The following PRL variants were observed in gnomAD, a reference collection of about 807,000 sequenced individuals.
The protein encoded by PRL is prolactin, also known as decidual prolactin.
Under a neutral mutation model 21.3 loss-of-function variants are expected in PRL, and 24 were observed. The observed-to-expected ratio is 1.13, with a 90% confidence interval of 0.82 to 1.59. The LOEUF is 1.59. Ranked by LOEUF, PRL falls within the 40% of genes most tolerant of loss-of-function variation. PRL has a pLI of 0.00. For missense variants in PRL, 243 were observed against 286.9 expected, an observed-to-expected ratio of 0.85 and a Z score of 1.10; for synonymous variants, 118 against 115.7, an observed-to-expected ratio of 1.02 and a Z score of -0.13.
rs1760985875 is a variant in PRL, at chr6:22,288,905, C to CGT, written c.492+1268_492+1269insAC. 1.4e-5 allele frequency among the ~76,000 whole-genome samples: 2 copies of CGT among 145,982 alleles called. No individual in the cohort carries two copies. The highest frequency in any genetic ancestry group is 6.8e-5 in the Admixed American group (1 of 14,768). ...GTGCGCGTGTGTGTGCGTGTGTGCG[C>CGT]GCGCGTGTGTGTGCGTGCGCGTGTG... On this transcript the variant is annotated intron_variant, in intron 4 of 4. Transcript: ENST00000306482. The surrounding 1 kb of genome is among the most constrained non-coding windows in gnomAD (Gnocchi z 4.5).
upstream of PRL, chr6:22,297,097 A>G (rs889914064): frequency 3.7e-6 from 4 of 1,075,070 alleles, no homozygotes; most frequent in Non-Finnish European, 5.5e-6. Context: ...AATATAATGA[A>G]TCAGGCATTC....
chr6:22,293,687 AAAGG>A (rs1465486197), intron 2 of PRL, among the ~76,000 whole-genome samples: 59 of 95,916 alleles, frequency 6.2e-4, no homozygotes, highest in East Asian at 2.1e-3. Flanking sequence ...AGGAAGGAAA[AAAGG>A]AAGGAAGGAA....
upstream of PRL, among the ~76,000 whole-genome samples, chr6:22,302,059 A>T (rs987289825): frequency 1.3e-5 from 2 of 152,222 alleles, no homozygotes; most frequent in Non-Finnish European, 2.9e-5. Flanking sequence ...ATTAAAAAGA[A>T]ACTAAAAAAT....
chr6:22,297,987 C>G (rs1156962505), upstream of PRL, among the ~76,000 whole-genome samples: 1 of 152,142 alleles, frequency 6.6e-6, no homozygotes, highest in Admixed American at 6.5e-5. Flanking sequence ...GGACCCACTT[C>G]TAAGACAAAC....
chr6:22,295,378 T>C (rs1761152712), intron 1 of PRL, among the ~76,000 whole-genome samples: 1 of 152,174 alleles, frequency 6.6e-6, no homozygotes, highest in Non-Finnish European at 1.5e-5. Context: ...GCACGTCGTC[T>C]TGTCACATCG....
intron 1 of PRL, 85 bp downstream of exon 1, chr6:22,296,870 G>T: frequency 7.0e-7 from 1 of 1,435,520 alleles, no homozygotes; most frequent in South Asian, 1.2e-5. Context: ...AAACCTGCAA[G>T]CTCTTGTTAT....
Position 22,288,908 on chromosome 6 carries a change from G to GCA in PRL, c.492+1265_492+1266insTG, listed in dbSNP as rs1561753127. ...CGCGTGTGTGTGCGTGTGTGCGCGC[G>GCA]CGTGTGTGTGCGTGCGCGTGTGTGT... On this transcript the variant is annotated intron_variant, in intron 4 of 4. Transcript: ENST00000306482. This position sits in a 1 kb window ranked among gnomAD's most constrained non-coding sequence, Gnocchi z 4.5. 9.4e-5 allele frequency among the ~76,000 whole-genome samples: 14 copies of GCA among 148,624 alleles called. No individual in the cohort carries two copies. The East Asian group carries it at 1.8e-3, about 19-fold the overall frequency.
At chr6:22,289,464 A>G (rs574029574) in intron 4 of PRL, among the ~76,000 whole-genome samples, 5 of 152,346 alleles carry the variant, frequency 3.3e-5, no homozygotes, top group African/African-American at 1.2e-4. Flanking sequence ...TCTAAATATG[A>G]CAGATTATTT....
At chr6:22,296,816 ATTGCT>A (rs1371557286) in intron 1 of PRL, 134 bp downstream of exon 1, 1 of 863,072 alleles carries the variant, frequency 1.2e-6, no homozygotes, top group African/African-American at 1.7e-5. Context: ...CCCTTGTAAA[ATTGCT>A]TTCTAGAGGA....
rs1427532082 is a variant in PRL, at chr6:22,287,459, T to G, written c.627A>C (p.Lys209Asn). The G allele has an allele frequency of 1.2e-6, 2 of 1,613,954 alleles. No homozygotes were observed. Among genetic ancestry groups the G allele is most frequent in the East Asian group, 2.2e-5 (1 of 44,866 alleles). ...TCAGGAGCTTGAGATAATTGTCGATTTTATGTGAATCCCTGCGTAGGCAGT... is the reference window on the plus strand; with the variant it reads ...TCAGGAGCTTGAGATAATTGTCGATGTTATGTGAATCCCTGCGTAGGCAGT... ...LLHCLRRDSH[K>N]IDNYLKLLKC... The change falls in exon 5 of 5, where the codon AAA (lysine) becomes AAC (asparagine). Residue 209 changes from lysine (K) to asparagine (N), a missense_variant. Transcript: ENST00000306482.
chr6:22,300,914 G>A (rs1236886137), upstream of PRL, among the ~76,000 whole-genome samples: 1 of 152,168 alleles, frequency 6.6e-6, no homozygotes, highest in Non-Finnish European at 1.5e-5. Flanking sequence ...TCTGAATCAT[G>A]TGTGCCTTTG....
intron 2 of PRL, among the ~76,000 whole-genome samples, chr6:22,293,180 C>A (rs954413989): frequency 6.6e-6 from 1 of 152,060 alleles, no homozygotes; most frequent in Non-Finnish European, 1.5e-5. Context: ...ATGATAGAAA[C>A]GGAACACAAC....
At chr6:22,300,242 T>C (rs567363685), upstream of PRL, among the ~76,000 whole-genome samples, 1 of 152,366 alleles carries the variant, frequency 6.6e-6, no homozygotes, top group Non-Finnish European at 1.5e-5. Context: ...ACTTCATACA[T>C]ATTGTTGAAT....
In PRL at chr6:22,294,561, A is replaced by T; in HGVS notation, c.52T>A (p.Ser18Thr). The T allele has an allele frequency of 6.2e-7, 1 of 1,608,522 alleles. No individual in the cohort carries two copies. The highest frequency in any genetic ancestry group is 8.5e-7 in the Non-Finnish European group (1 of 1,177,390). The change falls in exon 2 of 5, where the codon TCA becomes ACA. Residue 18 changes from serine (S) to threonine (T), a missense_variant. Ser to Thr is a moderately conservative substitution (Grantham distance 58). Transcript: ENST00000306482. Reference sequence around the variant, plus strand: ...ACGCTCTGGCACAGGAGCAGGTTTGACACCAGCAGCAGCAGGAGGGACCCT... The same window carrying T: ...ACGCTCTGGCACAGGAGCAGGTTTGTCACCAGCAGCAGCAGGAGGGACCCT... The part of the protein sequence containing the change: ...WKGSLLLLLV[S>T]NLLLCQSVAP...
chr6:22,298,773 A>G (rs547101648), upstream of PRL, among the ~76,000 whole-genome samples: 1 of 152,198 alleles, frequency 6.6e-6, no homozygotes, highest in Non-Finnish European at 1.5e-5. Flanking sequence ...ATTATCCTAT[A>G]TTCTCCTCCT....
At chr6:22,294,044 C>T (rs1761120755) in intron 2 of PRL, among the ~76,000 whole-genome samples, 1 of 152,098 alleles carries the variant, frequency 6.6e-6, no homozygotes, top group African/African-American at 2.4e-5. Flanking sequence ...ATATCTATTC[C>T]GTGCTAAGTA....
Position 22,287,253 on chromosome 6 carries a change from T to C in PRL, c.*149A>G, listed in dbSNP as rs1423276400. 1 of 667,032 alleles carries C rather than the reference T, an allele frequency of 1.5e-6. No homozygotes were observed. The highest frequency in any genetic ancestry group is 2.2e-6 in the Non-Finnish European group (1 of 451,258). The allele number at this position is 667,032 out of a possible 1,614,324, so 41.3% of individuals were successfully genotyped here. A position where few individuals can be genotyped will look rare whatever the true frequency, so the allele number is the denominator to read the frequency against. On this transcript the variant is annotated 3_prime_UTR_variant, in exon 5 of 5. Transcript: ENST00000306482. ...AACTTTGACAAATCGGCATTTTAGATTTTGATGTCTCTAAGGAGTCAGTTT... is the reference window on the plus strand; with the variant it reads ...AACTTTGACAAATCGGCATTTTAGACTTTGATGTCTCTAAGGAGTCAGTTT...
intron 1 of PRL, among the ~76,000 whole-genome samples, chr6:22,296,516 G>T (rs1348398080): frequency 6.6e-6 from 1 of 152,180 alleles, no homozygotes; most frequent in Non-Finnish European, 1.5e-5. Flanking sequence ...TTGTCCCTTT[G>T]AGAGTTGTGG....
chr6:22,288,408 G>A lies in PRL; in HGVS notation c.493-815C>T, dbSNP rs545926506. ...AAATCAGCCGTGCCTATTGGTGCACGCCTGTTGTCCCAGCTACTTGGGAGG... is the reference window on the plus strand; with the variant it reads ...AAATCAGCCGTGCCTATTGGTGCACACCTGTTGTCCCAGCTACTTGGGAGG... On this transcript the variant is annotated intron_variant, in intron 4 of 4. Coordinates refer to ENST00000306482, the MANE Select transcript of PRL (RefSeq NM_000948.6). The surrounding 1 kb of genome is among the most constrained non-coding windows in gnomAD (Gnocchi z 4.5). 3.3e-5 allele frequency among the ~76,000 whole-genome samples: 5 copies of A among 152,152 alleles called. No homozygotes were observed. The highest frequency in any genetic ancestry group is 2.1e-4 in the South Asian group (1 of 4,812).
Sources: allele counts gnomAD v4.1 joint callset (sites outside exome capture counted in the v4.1 genomes callset), GRCh38; gene constraint gnomAD v4.1.1; non-coding constraint Gnocchi (gnomAD v3.1); transcripts MANE v1.5; gene names NCBI Gene and HGNC (gene_info 2026-07-23, HGNC 2026-07-21).